GALNT9: variants seen among roughly 807,000 people sequenced by gnomAD.
GALNT9 encodes the protein polypeptide N-acetylgalactosaminyltransferase 9.
GALNT9 carries 47 observed loss-of-function variants against 63.1 expected under a neutral mutation model. The observed-to-expected ratio is 0.75, with a 90% confidence interval of 0.59 to 0.95. GALNT9 has a LOEUF of 0.95. Ranked by LOEUF, GALNT9 falls within the 40% of genes least tolerant of loss-of-function variation. The probability of loss-of-function intolerance (pLI) is 0.00; values close to 1 mark genes in which losing one functional copy is unlikely to be tolerated. For synonymous variants in GALNT9, 396 were observed against 365.7 expected, an observed-to-expected ratio of 1.08 and a Z score of -0.94; for missense variants, 829 against 874.8, an observed-to-expected ratio of 0.95 and a Z score of 0.66.
chr12:132,203,759 C>G (rs878863862), intron 6 of GALNT9, 69 bp from the exon 7 acceptor site: 7 of 1,526,408 alleles, frequency 4.6e-6, no homozygotes, highest in Non-Finnish European at 6.1e-6. Context: ...CAGCTAGGGG[C>G]CCGTGAGAGG....
At chr12:132,227,987 G>A (rs1213298962) in intron 6 of GALNT9, among the ~76,000 whole-genome samples, 2 of 152,266 alleles carry the variant, frequency 1.3e-5, no homozygotes, top group Non-Finnish European at 2.9e-5. Flanking sequence ...TTGAGCAGGG[G>A]CTGTGGGCAG....
rs1420677328 is a variant in GALNT9 at position 132,257,162 on chromosome 12, A to T, written c.959+527T>A. Among the ~76,000 whole-genome samples the T allele has an allele frequency of 2.0e-5, 3 of 152,130 alleles. No homozygotes were observed. In the East Asian group the frequency reaches 5.8e-4, roughly 29 times the overall value. ...CCTCCCATTGGGTTCTCTGAATTTCACTGATTTTTAAAATGTCAAACACAA... is the reference window on the plus strand; with the variant it reads ...CCTCCCATTGGGTTCTCTGAATTTCTCTGATTTTTAAAATGTCAAACACAA... On this transcript the variant is annotated intron_variant, in intron 5 of 10. Coordinates refer to ENST00000328957, the MANE Select transcript of GALNT9 (RefSeq NM_001122636.2).
chr12:132,308,915 G>A (rs1302929899), intron 1 of GALNT9, among the ~76,000 whole-genome samples: 1 of 151,488 alleles, frequency 6.6e-6, no homozygotes, highest in Non-Finnish European at 1.5e-5. Flanking sequence ...CGGGGCTCGG[G>A]ATGGCCGCAC....
In GALNT9 at chr12:132,196,905, C is replaced by T. The variant is rs551654323; in HGVS notation, c.*202G>A. On this transcript the variant is annotated 3_prime_UTR_variant, in exon 11 of 11. Coordinates refer to ENST00000328957, the MANE Select transcript of GALNT9 (RefSeq NM_001122636.2). ...GACGCCCTCCCTCGGGTAGAGCCGC[C>T]TGTCCTAGGAGAAGCTGTACTCCAG... 1.6e-4 allele frequency: 220 copies of T among 1,399,182 alleles called. No individual in the cohort carries two copies. Among genetic ancestry groups the T allele is most frequent in the Non-Finnish European group, 1.9e-4 (210 of 1,078,662 alleles). The allele number at this position is 1,399,182 out of a possible 1,614,324, so 86.7% of individuals were successfully genotyped here. A position where few individuals can be genotyped will look rare whatever the true frequency, so the allele number is the denominator to read the frequency against.
rs894461436 is a variant in GALNT9, at chr12:132,296,611, C to A, written c.239-10181G>T. Among the ~76,000 whole-genome samples, 10 of 152,338 alleles carry A rather than the reference C, an allele frequency of 6.6e-5. No homozygotes were observed. In the South Asian group the frequency reaches 2.1e-3, roughly 32 times the overall value. On this transcript the variant is annotated intron_variant, in intron 1 of 10. Transcript: ENST00000328957. This position sits in a 1 kb window ranked among gnomAD's most constrained non-coding sequence, Gnocchi z 4.2. ...TCCCACAACTTTCATGAAAAACAAA[C>A]CAAGCTCAATATCCTGCTGTTCTGA...
chr12:132,308,253 T>C (rs1881687867), intron 1 of GALNT9, among the ~76,000 whole-genome samples: 1 of 152,082 alleles, frequency 6.6e-6, no homozygotes, highest in Non-Finnish European at 1.5e-5. Flanking sequence ...TGTAGCTCAG[T>C]GAAATCCACT....
Position 132,246,140 on chromosome 12 carries a change from C to T in GALNT9, c.1077+1770G>A, listed in dbSNP as rs868952958. On this transcript the variant is annotated intron_variant, in intron 6 of 10. Coordinates refer to ENST00000328957, the MANE Select transcript of GALNT9 (RefSeq NM_001122636.2). This position sits in a 1 kb window ranked among gnomAD's most constrained non-coding sequence, Gnocchi z 4.7. The stretch of plus-strand genomic sequence containing the variant: ...CACCCGCGTGGGTGCGTTCAATCCA[C>T]GGCCGACCCGCCAAGGTCTGGTGTT... Among the ~76,000 whole-genome samples the T allele has an allele frequency of 2.0e-5, 3 of 152,252 alleles. No homozygotes were observed. Among genetic ancestry groups the T allele is most frequent in the African/African-American group, 4.8e-5 (2 of 41,462 alleles).
chr12:132,201,287 G>A, intron 7 of GALNT9, 26 bp from the exon 8 acceptor site: 1 of 1,566,756 alleles, frequency 6.4e-7, no homozygotes, highest in Non-Finnish European at 8.8e-7. Context: ...TAGGTGAGAG[G>A]GTACATGGGT....
chr12:132,306,817 C>T (rs772482226), intron 1 of GALNT9, among the ~76,000 whole-genome samples: 24 of 152,208 alleles, frequency 1.6e-4, no homozygotes, highest in Non-Finnish European at 3.2e-4. Flanking sequence ...CACTTCCGCG[C>T]ACACCCGCCG....
At chr12:132,260,192 G>A (rs995848336) in intron 4 of GALNT9, among the ~76,000 whole-genome samples, 17 of 152,312 alleles carry the variant, frequency 1.1e-4, no homozygotes, top group African/African-American at 3.6e-4. Flanking sequence ...CAGGGAGGGC[G>A]TGGGGGTCGG....
rs782494918 is a variant in GALNT9, at chr12:132,316,727, G to A, written c.238+12239C>T. Reference sequence around the variant, plus strand: ...ACGCCCACCCCAGCCCACTCCCTCTGCAGCCACCCAGCCTCCTTCCCATCA... The same window carrying A: ...ACGCCCACCCCAGCCCACTCCCTCTACAGCCACCCAGCCTCCTTCCCATCA... On this transcript the variant is annotated intron_variant, in intron 1 of 10. Transcript: ENST00000328957. This position sits in a 1 kb window ranked among gnomAD's most constrained non-coding sequence, Gnocchi z 4.3. Among the ~76,000 whole-genome samples, 9 of 152,020 alleles carry A rather than the reference G, an allele frequency of 5.9e-5. No homozygotes were observed. The highest frequency in any genetic ancestry group is 1.3e-4 in the Non-Finnish European group (9 of 67,972).
At chr12:132,240,550 G>C (rs1477939363) in intron 6 of GALNT9, 2 of 447,186 alleles carry the variant, frequency 4.5e-6, no homozygotes, top group African/African-American at 4.1e-5. Context: ...GTGGCCCCAG[G>C]GCTCAGCTGT....
At chr12:132,250,836 C>T (rs999523087) in intron 5 of GALNT9, among the ~76,000 whole-genome samples, 6 of 152,178 alleles carry the variant, frequency 3.9e-5, no homozygotes, top group African/African-American at 1.2e-4. Flanking sequence ...GGTAAGACGG[C>T]GAGGAGGCGG....
intron 1 of GALNT9, among the ~76,000 whole-genome samples, chr12:132,317,699 G>T (rs1457359626): frequency 6.6e-6 from 1 of 152,212 alleles, no homozygotes; most frequent in Non-Finnish European, 1.5e-5. Flanking sequence ...GCTCAGTAGA[G>T]GCTGCGCCCA....
chr12:132,302,229 T>TACACACACACACAC (rs56317485), intron 1 of GALNT9, among the ~76,000 whole-genome samples: 2,666 of 143,774 alleles, frequency 0.019, 39 homozygotes, highest in Admixed American at 0.025. Flanking sequence ...TAGAAAATTC[T>TACACACACACACAC]ACACACACAC....
At position 132,196,486 on chromosome 12, in the gene GALNT9, C is replaced by T. The variant is rs1875515643; in HGVS notation, c.*621G>A. 2 of 985,452 alleles carry T rather than the reference C, an allele frequency of 2.0e-6. No homozygotes were observed. Among genetic ancestry groups the T allele is most frequent in the South Asian group, 9.4e-5 (2 of 21,296 alleles). The allele number at this position is 985,452 out of a possible 1,614,324, so 61.0% of individuals were successfully genotyped here. On this transcript the variant is annotated 3_prime_UTR_variant, in exon 11 of 11. Coordinates refer to ENST00000328957, the MANE Select transcript of GALNT9 (RefSeq NM_001122636.2). ...CCGGGCCCCAACCCCCAGCTCGGCT[C>T]CCAGGAAGACACACACAGTGCTGCT...
intron 7 of GALNT9, 93 bp from the exon 8 acceptor site, chr12:132,201,354 G>C (rs11246989): frequency 0.57 from 448,120 of 788,908 alleles, 129,336 homozygotes; most frequent in African/African-American, 0.59. Context: ...GGGACCAAGT[G>C]CCCTCACAGG....
chr12:132,262,451 C>G lies in GALNT9; in HGVS notation c.586+8G>C. ...GGCGAGCACCGTGCCGAGGCCCCGC[C>G]CACTCACCGTTGTCACTGTTGTCGT... On this transcript the variant is annotated splice_region_variant and intron_variant, in intron 3 of 10. Transcript: ENST00000328957. 1.9e-6 allele frequency: 3 copies of G among 1,547,898 alleles called. No homozygotes were observed. The highest frequency in any genetic ancestry group is 2.6e-6 in the Non-Finnish European group (3 of 1,145,134).
chr12:132,278,417 C>T (rs1019419586), intron 2 of GALNT9: 2 of 152,282 alleles, frequency 1.3e-5, no homozygotes, highest in African/African-American at 4.8e-5. Flanking sequence ...TCTACATCCA[C>T]AGCCCCCGCC....
Sources: allele counts gnomAD v4.1 joint callset (sites outside exome capture counted in the v4.1 genomes callset), GRCh38; gene constraint gnomAD v4.1.1; non-coding constraint Gnocchi (gnomAD v3.1); transcripts MANE v1.5; gene names NCBI Gene and HGNC (gene_info 2026-07-23, HGNC 2026-07-21).